RTN4R: variants seen among roughly 807,000 people sequenced by gnomAD.
RTN4R encodes reticulon-4 receptor.
RTN4R carries 4 observed loss-of-function variants against 27.7 expected under a neutral mutation model. That is an observed-to-expected ratio of 0.14 (90% confidence interval 0.07 to 0.33). The LOEUF (loss-of-function observed/expected upper bound fraction) is 0.33. RTN4R is among the 10% of genes least tolerant of loss of function. The pLI is 1.00. For missense variants in RTN4R, 554 were observed against 671.5 expected (o/e 0.83, Z 1.93); for synonymous variants, 290 against 305.6 (o/e 0.95, Z 0.53).
chr22:20,261,426 C>A (rs1457746507), intron 1 of RTN4R, among the ~76,000 whole-genome samples: 2 of 152,230 alleles, frequency 1.3e-5, no homozygotes, highest in African/African-American at 4.8e-5. Context: ...CCAGGAGCCT[C>A]CAGCTTGCCC....
chr22:20,253,144 CCTGGCTGCAT>C (rs1239686790), intron 1 of RTN4R, among the ~76,000 whole-genome samples: 2 of 152,194 alleles, frequency 1.3e-5, no homozygotes, highest in Non-Finnish European at 2.9e-5. Flanking sequence ...CAGGCAGGAT[CCTGGCTGCAT>C]CTGGGCTGGA....
intron 1 of RTN4R, among the ~76,000 whole-genome samples, chr22:20,248,563 T>C (rs2051155903): frequency 6.6e-6 from 1 of 152,206 alleles, no homozygotes; most frequent in South Asian, 2.1e-4. Context: ...CCTCCCTCCG[T>C]ACCTTGGCAA....
At chr22:20,248,246 T>G (rs1259862603) in intron 1 of RTN4R, among the ~76,000 whole-genome samples, 1 of 151,934 alleles carries the variant, frequency 6.6e-6, no homozygotes, top group Non-Finnish European at 1.5e-5. Flanking sequence ...ATCAGAAAAA[T>G]AATAACAAGT....
chr22:20,245,547 C>A (rs1333842790), intron 1 of RTN4R, among the ~76,000 whole-genome samples: 2 of 152,146 alleles, frequency 1.3e-5, no homozygotes. Context: ...GACTCACCAG[C>A]CTCCTCCCTG....
intron 1 of RTN4R, among the ~76,000 whole-genome samples, chr22:20,265,705 T>C (rs377012546): frequency 6.6e-6 from 1 of 152,142 alleles, no homozygotes; most frequent in East Asian, 1.9e-4. Context: ...GCTTTTATTG[T>C]CCCTTCTGCA....
At chr22:20,263,707 C>T (rs1327316373) in intron 1 of RTN4R, among the ~76,000 whole-genome samples, 2 of 152,246 alleles carry the variant, frequency 1.3e-5, no homozygotes, top group Non-Finnish European at 2.9e-5. Flanking sequence ...GGACCCTGGC[C>T]TGTGCCCACT....
chr22:20,264,877 G>A (rs2051268505), intron 1 of RTN4R, among the ~76,000 whole-genome samples: 1 of 152,212 alleles, frequency 6.6e-6, no homozygotes, highest in Non-Finnish European at 1.5e-5. Flanking sequence ...GAACCTCATT[G>A]ATCAGATAGT....
intron 1 of RTN4R, among the ~76,000 whole-genome samples, chr22:20,263,823 G>T (rs1009198771): frequency 6.6e-6 from 1 of 152,282 alleles, no homozygotes; most frequent in Non-Finnish European, 1.5e-5. Context: ...GGACACAGCT[G>T]CGGAACAGTG....
At position 20,242,640 on chromosome 22, in the gene RTN4R, C is replaced by T. The variant is rs200273990; in HGVS notation, c.493G>A (p.Ala165Thr). The change falls in exon 2 of 2, where the codon GCG becomes ACG. Residue 165 changes from alanine to threonine, a missense_variant. Around this residue, in one of 2 missense-constraint regions of RTN4R, gnomAD observed 413 missense variants for 542.3 expected, o/e 0.76. Transcript: ENST00000043402. The part of the protein sequence containing the change: ...ALQYLYLQDN[A>T]LQALPDDTFR... ...GTGTCATCAGGCAGTGCCTGCAGCG[C>T]GTTGTCCTGCAGGTAGAGGTACTGC... The T allele has an allele frequency of 2.6e-5, 42 of 1,611,942 alleles. No homozygotes were observed. Among genetic ancestry groups the T allele is most frequent in the African/African-American group, 5.4e-5 (4 of 74,650 alleles).
chr22:20,248,631 G>T (rs932967964), intron 1 of RTN4R, among the ~76,000 whole-genome samples: 40 of 152,324 alleles, frequency 2.6e-4, no homozygotes, highest in Non-Finnish European at 5.0e-4. Context: ...ACAAGACCAG[G>T]CCGAGGAGCC....
At chr22:20,262,865 C>T (rs369362282) in intron 1 of RTN4R, among the ~76,000 whole-genome samples, 11 of 152,362 alleles carry the variant, frequency 7.2e-5, no homozygotes, top group African/African-American at 2.6e-4. Flanking sequence ...GAGCTGGGCC[C>T]TGGCAGAAGG....
chr22:20,249,011 G>T (rs996981621), intron 1 of RTN4R: 13 of 446,192 alleles, frequency 2.9e-5, no homozygotes, highest in Non-Finnish European at 5.6e-5. Flanking sequence ...GCCCAGTGGA[G>T]GCCTCGCCCA....
intron 1 of RTN4R, among the ~76,000 whole-genome samples, chr22:20,252,852 T>C (rs2051192176): frequency 6.6e-6 from 1 of 150,870 alleles, no homozygotes. Flanking sequence ...GCCAGCCCCC[T>C]CCAAATCTGT....
At chr22:20,265,600 G>A (rs746571565) in intron 1 of RTN4R, among the ~76,000 whole-genome samples, 11 of 152,326 alleles carry the variant, frequency 7.2e-5, no homozygotes, top group South Asian at 4.1e-4. Flanking sequence ...GGGCAGGGAG[G>A]GAGTGAAGGT....
Position 20,242,434 on chromosome 22 carries a change from C to G in RTN4R, c.699G>C (p.Leu233=), listed in dbSNP as rs764186010. Residue 233 remains leucine (L), a synonymous_variant, in exon 2 of 2, where the codon CTG becomes CTC. Transcript: ENST00000043402. ...GCAGCGCTGATAGATTGTTGGCAAACAGATAGAGTGTCATGAGGCGGCCAA... is the reference window on the plus strand; with the variant it reads ...GCAGCGCTGATAGATTGTTGGCAAAGAGATAGAGTGTCATGAGGCGGCCAA... ...RDLGRLMTLY[L]FANNLSALPT... 6.2e-7 allele frequency: 1 copy of G among 1,613,464 alleles called. No homozygotes were observed. The highest frequency in any genetic ancestry group is 1.1e-5 in the South Asian group (1 of 91,084).
chr22:20,268,287 CG>C lies in RTN4R; in HGVS notation c.-196del, dbSNP rs2051292437. 6.8e-5 allele frequency: 10 copies of C among 148,140 alleles called. No homozygotes were observed. Among genetic ancestry groups the C allele is most frequent in the Non-Finnish European group, 1.0e-4 (7 of 67,272 alleles). The allele number at this position is 148,140 out of a possible 1,614,324, so 9.2% of individuals were successfully genotyped here. ...CCGCGGGTGCGCAGGGCGCGCAGGGCGCACAGGGCGAGGGCGGCGGCGGCGC... is the reference window on the plus strand; with the variant it reads ...CCGCGGGTGCGCAGGGCGCGCAGGGCCACAGGGCGAGGGCGGCGGCGGCGC... On this transcript the variant is annotated 5_prime_UTR_variant, in exon 1 of 2. Coordinates refer to ENST00000043402, the MANE Select transcript of RTN4R (RefSeq NM_023004.6).
intron 1 of RTN4R, 134 bp downstream of exon 1, chr22:20,267,937 G>A (rs979285126): frequency 2.8e-4 from 124 of 438,004 alleles, no homozygotes; most frequent in Non-Finnish European, 3.8e-4. Flanking sequence ...CACTGCGGTG[G>A]CTTTCCCTGC....
Position 20,242,850 on chromosome 22 carries a change from G to T in RTN4R, c.283C>A (p.Arg95=), listed in dbSNP as rs1209924253. The T allele has an allele frequency of 1.9e-6, 3 of 1,612,944 alleles. No individual in the cohort carries two copies. Among genetic ancestry groups the T allele is most frequent in the South Asian group, 2.2e-5 (2 of 91,092 alleles). ...CCAGTGAAGGCAGCCGCATCAATTC[G>T]GGCCAGCACATTCGAGTGCAGCCAC... ...ILWLHSNVLA[R]IDAAAFTGLA... is the part of the protein sequence containing the mutation. Residue 95 remains arginine, a synonymous_variant, in exon 2 of 2, where the codon CGA becomes AGA. Transcript: ENST00000043402.
chr22:20,242,644 G>A lies in RTN4R; in HGVS notation c.489C>T (p.Asp163=), dbSNP rs2145972153. 1 of 1,612,794 alleles carries A rather than the reference G, an allele frequency of 6.2e-7. No homozygotes were observed. The highest frequency in any genetic ancestry group is 1.1e-5 in the South Asian group (1 of 91,072). The change falls in exon 2 of 2, where the codon GAC becomes GAT. Residue 163 remains aspartate, a synonymous_variant. Coordinates refer to ENST00000043402, the MANE Select transcript of RTN4R (RefSeq NM_023004.6). ...CATCAGGCAGTGCCTGCAGCGCGTT[G>A]TCCTGCAGGTAGAGGTACTGCAGGG... The part of the protein sequence containing the change: ...LAALQYLYLQ[D]NALQALPDDT...
Sources: allele counts gnomAD v4.1 joint callset (sites outside exome capture counted in the v4.1 genomes callset), GRCh38; gene constraint gnomAD v4.1.1; regional missense constraint gnomAD v4.1.1; transcripts MANE v1.5; gene names NCBI Gene and HGNC (gene_info 2026-07-23, HGNC 2026-07-21).